The following FZD3 variants were observed in gnomAD, a reference collection of about 807,000 sequenced individuals.
FZD3 encodes the protein frizzled class receptor 3.
In FZD3, 30 loss-of-function variants were observed where a neutral mutation model predicts 60.7. That is an observed-to-expected ratio of 0.49 (90% CI 0.37 to 0.67). The LOEUF (loss-of-function observed/expected upper bound fraction) is 0.67, where lower values mean the gene tolerates loss of function less well. FZD3 is among the 30% of genes least tolerant of loss of function. The pLI, the probability that FZD3 is intolerant of heterozygous loss-of-function variation, is 0.00. For synonymous variants in FZD3, 246 were observed against 275.2 expected (o/e 0.89, Z 1.05); for missense variants, 605 against 838.7 (o/e 0.72, Z 3.44).
chr8:28,561,747 T>G (rs920946296), intron 7 of FZD3, among the ~76,000 whole-genome samples: 3 of 152,144 alleles, frequency 2.0e-5, no homozygotes. Context: ...AGGTGTTAAG[T>G]ATAAACAAAA....
intron 5 of FZD3, among the ~76,000 whole-genome samples, chr8:28,549,284 TGA>T: frequency 6.6e-6 from 1 of 152,324 alleles, no homozygotes; most frequent in Non-Finnish European, 1.5e-5. Context: ...AGTCACATTC[TGA>T]GGTACTGGGA....
In FZD3 at chr8:28,563,534, G is replaced by T. The variant is rs113230928; in HGVS notation, c.*523G>T. 1,400 of 155,206 alleles carry T rather than the reference G, an allele frequency of 9.0e-3. 25 individuals are homozygous for T. The highest frequency in any genetic ancestry group is 0.032 in the African/African-American group (1,310 of 41,564). 9.6% of individuals were successfully genotyped at this position (155,206 alleles called of 1,614,324 possible). A position where few individuals can be genotyped will look rare whatever the true frequency, so the allele number is the denominator to read the frequency against. On this transcript the variant is annotated 3_prime_UTR_variant, in exon 8 of 8. Transcript: ENST00000240093. ...AGGAGAATTTAATAAATCAGCAAGG[G>T]TATTTTAGCTAATAGAATAAAAGTG...
chr8:28,518,738 C>T (rs1345984809), intron 3 of FZD3, among the ~76,000 whole-genome samples: 1 of 152,204 alleles, frequency 6.6e-6, no homozygotes, highest in Non-Finnish European at 1.5e-5. Flanking sequence ...AGACCACCTA[C>T]AGCTCTGCTG....
intron 5 of FZD3, among the ~76,000 whole-genome samples, chr8:28,530,207 G>T (rs1469208795): frequency 1.3e-5 from 2 of 150,450 alleles, no homozygotes; most frequent in Non-Finnish European, 3.0e-5. Context: ...AACAAATGAT[G>T]GTAATAACAT....
At chr8:28,520,871 T>C (rs772981106) in intron 4 of FZD3, 37 bp downstream of exon 4, 31 of 1,336,730 alleles carry the variant, frequency 2.3e-5, no homozygotes, top group East Asian at 1.9e-4. Context: ...TCATTTCTTA[T>C]GTTGCAATAT....
At chr8:28,529,807 CTTA>C (rs1439652220) in intron 5 of FZD3, among the ~76,000 whole-genome samples, 1 of 152,096 alleles carries the variant, frequency 6.6e-6, no homozygotes, top group African/African-American at 2.4e-5. Flanking sequence ...ACTAAAAACT[CTTA>C]TTATGAGTTT....
At chr8:28,547,531 C>G (rs1192091023) in intron 5 of FZD3, among the ~76,000 whole-genome samples, 3 of 152,200 alleles carry the variant, frequency 2.0e-5, no homozygotes, top group Non-Finnish European at 4.4e-5. Context: ...TTCGTCCACA[C>G]ATTTGCTAAT....
At position 28,565,701 on chromosome 8, in the gene FZD3, C is replaced by T. The variant is rs1052612329; in HGVS notation, c.*2690C>T. On this transcript the variant is annotated 3_prime_UTR_variant, in exon 8 of 8. Coordinates refer to ENST00000240093, the MANE Select transcript of FZD3 (RefSeq NM_017412.4). ...ACTATATTGACTTTTCAGTTACTTT[C>T]AGTAAGTATCTTAATTTTGTCCCAC... 1 of 152,038 alleles carries T rather than the reference C, an allele frequency of 6.6e-6. No homozygotes were observed. Among genetic ancestry groups the T allele is most frequent in the East Asian group, 1.9e-4 (1 of 5,202 alleles). 9.4% of individuals were successfully genotyped at this position (152,038 alleles called of 1,614,324 possible).
intron 3 of FZD3, among the ~76,000 whole-genome samples, chr8:28,516,258 C>T (rs1197751925): frequency 6.6e-6 from 1 of 152,204 alleles, no homozygotes; most frequent in Non-Finnish European, 1.5e-5. Context: ...CATTAAGCTA[C>T]ATGTCTGTCC....
intron 3 of FZD3, among the ~76,000 whole-genome samples, chr8:28,515,531 C>G (rs1199656893): frequency 6.6e-6 from 1 of 152,212 alleles, no homozygotes; most frequent in Non-Finnish European, 1.5e-5. Context: ...TGTCCGCATG[C>G]GCAGTAGCCT....
rs775355174 is a variant in FZD3 at position 28,527,708 on chromosome 8, G to T, written c.948G>T (p.Val316=). 39 of 1,614,126 alleles carry T rather than the reference G, an allele frequency of 2.4e-5. No individual in the cohort carries two copies. The African/African-American group carries it at 4.1e-4, about 17-fold the overall frequency. Residue 316 remains valine (V), a synonymous_variant, in exon 5 of 8, where the codon GTG becomes GTT. Transcript: ENST00000240093. This position sits in a 1 kb window ranked among gnomAD's most constrained non-coding sequence, Gnocchi z 5.0. ...ILTITWFLAA[V]PKWGSEAIEK... ...CCATCACATGGTTTTTAGCAGCTGT[G>T]CCAAAGTGGGGTAGTGAAGCTATTG... is the stretch of plus-strand genomic sequence containing the variant.
chr8:28,503,204 T>C lies in FZD3; in HGVS notation c.189+2T>C. 6.3e-7 allele frequency: 1 copy of C among 1,594,222 alleles called. No individual in the cohort carries two copies. The highest frequency in any genetic ancestry group is 8.6e-7 in the Non-Finnish European group (1 of 1,162,370). ...CAGACAGCAGCTTTGGCAATGGAGG[T>C]AAGACTTGATCTATTCTTTGACGTA... On this transcript the variant is annotated splice_donor_variant, in intron 3 of 7. Transcript: ENST00000240093. LOFTEE classifies it high-confidence loss of function.
chr8:28,535,940 G>A (rs1563397246), intron 5 of FZD3, among the ~76,000 whole-genome samples: 1 of 152,178 alleles, frequency 6.6e-6, no homozygotes, highest in East Asian at 1.9e-4. Context: ...TAAAAATGTG[G>A]GCTTTAAAAT....
intron 7 of FZD3, among the ~76,000 whole-genome samples, chr8:28,561,352 C>T (rs1030046439): frequency 1.3e-5 from 2 of 152,064 alleles, no homozygotes; most frequent in Non-Finnish European, 2.9e-5. Context: ...CCACTGCGCC[C>T]GGCCAAAAGA....
intron 3 of FZD3, among the ~76,000 whole-genome samples, chr8:28,505,982 T>C (rs1199238702): frequency 6.6e-6 from 1 of 152,210 alleles, no homozygotes; most frequent in Non-Finnish European, 1.5e-5. Flanking sequence ...TTTTCTAAGT[T>C]GTTAACTTGA....
intron 3 of FZD3, among the ~76,000 whole-genome samples, chr8:28,509,835 A>G (rs1042451809): frequency 1.3e-5 from 2 of 152,170 alleles, no homozygotes; most frequent in African/African-American, 4.8e-5. Context: ...TTATCCATTT[A>G]TCCATCAGTG....
rs563834565 is a variant in FZD3, at chr8:28,572,368, G to A, written c.*9357G>A. 1 of 152,064 alleles carries A rather than the reference G, an allele frequency of 6.6e-6. No individual in the cohort carries two copies. The highest frequency in any genetic ancestry group is 2.1e-4 in the South Asian group (1 of 4,808). 9.4% of individuals were successfully genotyped at this position (152,064 alleles called of 1,614,324 possible). ...TCCTAACCCTATCAATATATCAGAGGCTTTATGAAGGAGACTCTACAGATA... is the reference window on the plus strand; with the variant it reads ...TCCTAACCCTATCAATATATCAGAGACTTTATGAAGGAGACTCTACAGATA... On this transcript the variant is annotated 3_prime_UTR_variant, in exon 8 of 8. Coordinates refer to ENST00000240093, the MANE Select transcript of FZD3 (RefSeq NM_017412.4).
chr8:28,511,990 T>C (rs1056765693), intron 3 of FZD3, among the ~76,000 whole-genome samples: 1 of 152,238 alleles, frequency 6.6e-6, no homozygotes, highest in Non-Finnish European at 1.5e-5. Flanking sequence ...GATTTTTGTT[T>C]TAGTGCTATA....
chr8:28,505,405 G>C (rs2130286422), intron 3 of FZD3, among the ~76,000 whole-genome samples: 1 of 152,076 alleles, frequency 6.6e-6, no homozygotes, highest in South Asian at 2.1e-4. Context: ...ACACTGGAGT[G>C]CTGTTGTGCA....
Sources: gnomAD v4.1 joint callset for allele counts (sites outside exome capture counted in the v4.1 genomes callset) on GRCh38, gnomAD v4.1.1 for gene constraint, Gnocchi (gnomAD v3.1) non-coding constraint, MANE v1.5 for transcripts, NCBI Gene and HGNC (gene_info 2026-07-23, HGNC 2026-07-21) for gene names.